The following ENTREP2 variants were observed in gnomAD, a reference collection of about 807,000 sequenced individuals.
ENTREP2 encodes the protein protein ENTREP2.
chr15:29,328,842 T>C, the ENTREP2 span, among the ~76,000 whole-genome samples: 4 of 152,136 alleles, frequency 2.6e-5, no homozygotes, highest in African/African-American at 9.7e-5. Flanking sequence ...TGGTTATATA[T>C]AGAAATAGTT....
At chr15:29,226,393 A>G in the ENTREP2 span, among the ~76,000 whole-genome samples, 1 of 152,368 alleles carries the variant, frequency 6.6e-6, no homozygotes, top group South Asian at 2.1e-4. Context: ...GAATGAAAAC[A>G]GAATGATGTT....
chr15:29,443,196 G>C, the ENTREP2 span, among the ~76,000 whole-genome samples: 1 of 152,212 alleles, frequency 6.6e-6, no homozygotes, highest in Non-Finnish European at 1.5e-5. Flanking sequence ...CTCTTCAGTG[G>C]AAGTTGCTCA....
the ENTREP2 span, chr15:29,151,848 G>A: frequency 6.5e-7 from 1 of 1,545,486 alleles, no homozygotes; most frequent in Non-Finnish European, 8.8e-7. Context: ...GATCCTGCGA[G>A]GAAAGGTGCA....
the ENTREP2 span, among the ~76,000 whole-genome samples, chr15:29,600,914 T>TTTTTTTTTTTTTTTTTTTTTTTG: frequency 1.4e-5 from 2 of 144,274 alleles, no homozygotes; most frequent in East Asian, 2.0e-4. Flanking sequence ...TTTTTTTTTT[T>TTTTTTTTTTTTTTTTTTTTTTTG]TGAGACAGAG....
the ENTREP2 span, among the ~76,000 whole-genome samples, chr15:29,397,518 CACTT>C: frequency 0.013 from 2,023 of 152,284 alleles, 48 homozygotes; most frequent in African/African-American, 0.046. Context: ...CAGTGGTCCT[CACTT>C]ACAGGGCTGT....
At chr15:29,638,625 C>T in the ENTREP2 span, among the ~76,000 whole-genome samples, 5 of 152,084 alleles carry the variant, frequency 3.3e-5, no homozygotes, top group Non-Finnish European at 7.4e-5. Context: ...ACCTGTAATC[C>T]CAGCAGTTTA....
At chr15:29,553,993 T>C in the ENTREP2 span, among the ~76,000 whole-genome samples, 4 of 152,190 alleles carry the variant, frequency 2.6e-5, no homozygotes, top group African/African-American at 7.2e-5. Context: ...CTTGTGATGT[T>C]ACAACAGTAA....
the ENTREP2 span, among the ~76,000 whole-genome samples, chr15:29,259,359 C>T: frequency 6.6e-6 from 1 of 152,172 alleles, no homozygotes; most frequent in Non-Finnish European, 1.5e-5. Context: ...AGCACTTGAA[C>T]AAAATATTAA....
chr15:29,300,015 G>A, the ENTREP2 span, among the ~76,000 whole-genome samples: 65 of 151,404 alleles, frequency 4.3e-4, no homozygotes, highest in African/African-American at 1.5e-3. Flanking sequence ...ATGGATGTGT[G>A]GATGGATGTA....
At chr15:29,471,165 G>A in the ENTREP2 span, among the ~76,000 whole-genome samples, 1 of 152,200 alleles carries the variant, frequency 6.6e-6, no homozygotes, top group Admixed American at 6.5e-5. Context: ...GGAGAGGGTT[G>A]TAATGCCTGG....
chr15:29,423,566 T>C, the ENTREP2 span, among the ~76,000 whole-genome samples: 8 of 150,468 alleles, frequency 5.3e-5, no homozygotes, highest in South Asian at 1.3e-3. Context: ...GGCGGGCGGA[T>C]CACGCGGTCA....
At chr15:29,346,519 G>A in the ENTREP2 span, among the ~76,000 whole-genome samples, 5 of 152,270 alleles carry the variant, frequency 3.3e-5, no homozygotes, top group East Asian at 9.7e-4. Flanking sequence ...TACTAGGGAA[G>A]TCAAGCCTGC....
At chr15:29,333,562 C>A in the ENTREP2 span, among the ~76,000 whole-genome samples, 3 of 152,182 alleles carry the variant, frequency 2.0e-5, no homozygotes, top group African/African-American at 7.2e-5. Context: ...ACACACAGAC[C>A]CTATCCCTCC....
chr15:29,174,692 C>CAAAAAAAA, the ENTREP2 span, among the ~76,000 whole-genome samples: 23 of 107,436 alleles, frequency 2.1e-4, no homozygotes, highest in African/African-American at 1.2e-3. Flanking sequence ...TCCAACTAAA[C>CAAAAAAAA]AAAACAAAAC....
the ENTREP2 span, among the ~76,000 whole-genome samples, chr15:29,341,664 T>C: frequency 6.6e-6 from 1 of 152,138 alleles, no homozygotes; most frequent in Non-Finnish European, 1.5e-5. Context: ...GGCTGCATCT[T>C]GTGTCAAGCG....
the ENTREP2 span, among the ~76,000 whole-genome samples, chr15:29,200,562 CTT>C: frequency 1.4e-5 from 2 of 142,532 alleles, no homozygotes. Context: ...AACCCAGTTT[CTT>C]TTTTTTTTTT....
chr15:29,234,262 A>C, the ENTREP2 span: 1 of 1,612,536 alleles, frequency 6.2e-7, no homozygotes, highest in East Asian at 2.2e-5. Context: ...CCGCAGAAGG[A>C]GTTTTAAGTT....
the ENTREP2 span, among the ~76,000 whole-genome samples, chr15:29,632,512 T>A: frequency 0.011 from 1,707 of 152,282 alleles, 37 homozygotes; most frequent in African/African-American, 0.039. Flanking sequence ...CCAGGCACGG[T>A]GGCTCATGCC....
At chr15:29,219,320 G>A in the ENTREP2 span, among the ~76,000 whole-genome samples, 2 of 151,880 alleles carry the variant, frequency 1.3e-5, no homozygotes, top group Non-Finnish European at 2.9e-5. Flanking sequence ...TCAAAAAATA[G>A]TAGATGTTGC....
Sources: allele counts gnomAD v4.1 joint callset (sites outside exome capture counted in the v4.1 genomes callset), GRCh38; gene constraint gnomAD v4.1.1; transcripts MANE v1.5; gene names NCBI Gene and HGNC (gene_info 2026-07-23, HGNC 2026-07-21).